The following ZNF682 variants were observed in gnomAD, a reference collection of about 807,000 sequenced individuals.
ZNF682 encodes the protein zinc finger protein 682.
In ZNF682, 29 loss-of-function variants were observed where a neutral mutation model predicts 36.5. The ratio of observed to expected loss-of-function variants is 0.80; its 90% CI spans 0.59 to 1.08. The LOEUF (loss-of-function observed/expected upper bound fraction) is 1.08, where lower values mean the gene tolerates loss of function less well. Ranked by LOEUF, ZNF682 falls within the 50% of genes least tolerant of loss-of-function variation. ZNF682 has a pLI of 0.00. For missense variants in ZNF682, 561 were observed against 579.7 expected (o/e 0.97, Z 0.33); for synonymous variants, 180 against 197.0 (o/e 0.91, Z 0.72).
intron 3 of ZNF682, among the ~76,000 whole-genome samples, chr19:19,997,871 T>C (rs555613244): frequency 6.6e-6 from 1 of 152,212 alleles, no homozygotes; most frequent in African/African-American, 2.4e-5. Context: ...CTCTAGGTGG[T>C]GAGAGCCTTC....
At chr19:20,004,416 T>C (rs1289106801), downstream of ZNF682, 1 of 152,204 alleles carries the variant, frequency 6.6e-6, no homozygotes, top group African/African-American at 2.4e-5. Context: ...TGCACAACTG[T>C]CTTAACACAT....
intron 1 of ZNF682, chr19:20,039,116 G>A: frequency 7.2e-7 from 1 of 1,388,542 alleles, no homozygotes; most frequent in Admixed American, 2.9e-5. Context: ...TGGGCTCCGG[G>A]CGGGAAGCGG....
At chr19:20,001,006 A>C (rs1314921265), downstream of ZNF682, among the ~76,000 whole-genome samples, 1 of 152,152 alleles carries the variant, frequency 6.6e-6, no homozygotes, top group African/African-American at 2.4e-5. Flanking sequence ...CCCAGACTGA[A>C]ATATGGAAAC....
At position 20,024,252 on chromosome 19, in the gene ZNF682, A is replaced by G. The variant is rs780182056; in HGVS notation, c.128T>C (p.Leu43Pro). 5.6e-6 allele frequency: 9 copies of G among 1,613,848 alleles called. No homozygotes were observed. In the South Asian group the frequency reaches 9.9e-5, roughly 18 times the overall value. ...TTGTGTATTGAAGTTATTCTCACCCAGAGAGACCAGGTTTCTGTAGTTCTC... is the reference window on the plus strand; with the variant it reads ...TTGTGTATTGAAGTTATTCTCACCCGGAGAGACCAGGTTTCTGTAGTTCTC... ...MLENYRNLVS[L>P]GLTVSKPELI... Residue 43 changes from leucine to proline, a missense_variant and splice_region_variant, in exon 2 of 4, where the codon CTG becomes CCG. Leu to Pro is a moderately conservative substitution (Grantham distance 98). Coordinates refer to ENST00000397165, the MANE Select transcript of ZNF682 (RefSeq NM_033196.3).
intron 3 of ZNF682, among the ~76,000 whole-genome samples, chr19:20,018,334 T>A (rs1403332292): frequency 6.6e-6 from 1 of 151,922 alleles, no homozygotes; most frequent in Admixed American, 6.6e-5. Flanking sequence ...GACCTCGTGA[T>A]CCGCCCGCCT....
At chr19:20,010,010 A>C (rs760612187) in intron 3 of ZNF682, among the ~76,000 whole-genome samples, 1 of 151,800 alleles carries the variant, frequency 6.6e-6, no homozygotes, top group Non-Finnish European at 1.5e-5. Flanking sequence ...ACAGAGCGAG[A>C]CTCCATCTCA....
intron 3 of ZNF682, chr19:20,015,172 T>C: frequency 1.0e-6 from 1 of 984,056 alleles, no homozygotes; most frequent in Non-Finnish European, 1.2e-6. Context: ...TTTCAAAAAT[T>C]ACCTTCAAAT....
chr19:20,020,147 G>A (rs2088371531), intron 3 of ZNF682, among the ~76,000 whole-genome samples: 1 of 151,916 alleles, frequency 6.6e-6, no homozygotes, highest in African/African-American at 2.4e-5. Flanking sequence ...CTTGTACACT[G>A]TTGGTGTGTT....
At chr19:20,009,212 C>T (rs77641905) in intron 3 of ZNF682, among the ~76,000 whole-genome samples, 9,825 of 152,144 alleles carry the variant, frequency 0.065, 554 homozygotes, top group East Asian at 0.18. Context: ...AATTTTACTA[C>T]AGGACTTTCA....
chr19:20,012,063 T>C lies in ZNF682; in HGVS notation c.227-4788A>G, dbSNP rs553905628. 1.7e-3 allele frequency among the ~76,000 whole-genome samples: 255 copies of C among 150,714 alleles called. 2 individuals are homozygous for C. The highest frequency in any genetic ancestry group is 6.0e-3 in the African/African-American group (247 of 41,100). ...AAATAAAAAAAAAACAGTGACAAAA[T>C]GTAACAAAACCTTGGAATGTGGCAA... On this transcript the variant is annotated intron_variant, in intron 3 of 3. Coordinates refer to ENST00000397165, the MANE Select transcript of ZNF682 (RefSeq NM_033196.3).
chr19:20,022,778 G>A (rs1195595312), intron 3 of ZNF682, among the ~76,000 whole-genome samples: 2 of 152,224 alleles, frequency 1.3e-5, no homozygotes, highest in Admixed American at 6.5e-5. Context: ...TATAAGCCAT[G>A]AAGAGGACTT....
At chr19:19,995,592 C>T (rs2088125008), downstream of ZNF682, among the ~76,000 whole-genome samples, 1 of 152,158 alleles carries the variant, frequency 6.6e-6, no homozygotes, top group African/African-American at 2.4e-5. Flanking sequence ...GGGGCTCACA[C>T]AACCTGTTCC....
chr19:20,003,009 T>A (rs1413477960), downstream of ZNF682, among the ~76,000 whole-genome samples: 17 of 151,124 alleles, frequency 1.1e-4, no homozygotes, highest in Non-Finnish European at 2.5e-4. Flanking sequence ...GCTAACACGG[T>A]GAAACCCCGT....
rs1304075417 is a variant in ZNF682, at chr19:20,005,012, TTTAGAC to T, written c.*987_*992del. 6.6e-6 allele frequency: 1 copy of T among 152,184 alleles called. No individual in the cohort carries two copies. Among genetic ancestry groups the T allele is most frequent in the African/African-American group, 2.4e-5 (1 of 41,466 alleles). The allele number at this position is 152,184 out of a possible 1,614,324, so 9.4% of individuals were successfully genotyped here. On this transcript the variant is annotated 3_prime_UTR_variant, in exon 4 of 4. Transcript: ENST00000397165. ...TCTACTGTGAATCTTCTGATGTTCA[TTTAGAC>T]TTAATTTTTTATTAATTTTTTATAT...
intron 3 of ZNF682, among the ~76,000 whole-genome samples, chr19:20,020,093 T>A (rs564254432): frequency 4.0e-5 from 6 of 150,854 alleles, no homozygotes; most frequent in African/African-American, 1.5e-4. Flanking sequence ...AAAACATTTT[T>A]AAAAAGAGAT....
intron 1 of ZNF682, among the ~76,000 whole-genome samples, chr19:20,029,244 G>C (rs2088458632): frequency 6.6e-6 from 1 of 151,528 alleles, no homozygotes; most frequent in Admixed American, 6.6e-5. Context: ...GCCTCCCAAA[G>C]TGCTGGGATT....
At chr19:20,027,863 A>C (rs2088445965) in intron 1 of ZNF682, among the ~76,000 whole-genome samples, 1 of 151,540 alleles carries the variant, frequency 6.6e-6, no homozygotes, top group African/African-American at 2.4e-5. Context: ...GCAGTGAGCC[A>C]AGATCGCGCC....
rs551232785 is a variant in ZNF682, at chr19:20,034,714, G to A, written c.3+4629C>T. ...CTTGAACCTGGGAGGCAGAGGTTGC[G>A]GTGAGCCAAGATTGCGCCATTGCAC... On this transcript the variant is annotated intron_variant, in intron 1 of 3. Transcript: ENST00000397165. Among the ~76,000 whole-genome samples the A allele has an allele frequency of 7.4e-4, 110 of 149,652 alleles. 1 individual carries two copies. The highest frequency in any genetic ancestry group is 2.5e-3 in the African/African-American group (102 of 40,726).
intron 3 of ZNF682, among the ~76,000 whole-genome samples, chr19:20,008,735 A>T (rs1241322096): frequency 6.6e-6 from 1 of 152,192 alleles, no homozygotes; most frequent in Non-Finnish European, 1.5e-5. Flanking sequence ...AGTTGAAGGG[A>T]ATATCACCAA....
Sources: gnomAD v4.1 joint callset for allele counts (sites outside exome capture counted in the v4.1 genomes callset) on GRCh38, gnomAD v4.1.1 for gene constraint, MANE v1.5 for transcripts, NCBI Gene and HGNC (gene_info 2026-07-23, HGNC 2026-07-21) for gene names.